DNAH12: variants seen among roughly 807,000 people sequenced by gnomAD.
DNAH12 encodes dynein axonemal heavy chain 12.
In DNAH12, 285 loss-of-function variants were observed where a neutral mutation model predicts 371.5. The observed-to-expected ratio is 0.77, with a 90% CI of 0.70 to 0.85. The LOEUF (loss-of-function observed/expected upper bound fraction) is 0.85, where lower values mean the gene tolerates loss of function less well. Among genes scored for constraint, DNAH12 ranks in the 40% least tolerant of loss-of-function variants. The pLI, the probability that DNAH12 is intolerant of heterozygous loss-of-function variation, is 0.00. For missense variants in DNAH12, 3,611 were observed against 3,689.4 expected, an observed-to-expected ratio of 0.98 and a Z score of 0.55; for synonymous variants, 1,200 against 1,213.0, an observed-to-expected ratio of 0.99 and a Z score of 0.22.
At chr3:57,555,882 C>A in the DNAH12 span, among the ~76,000 whole-genome samples, 1 of 152,250 alleles carries the variant, frequency 6.6e-6, no homozygotes, top group Non-Finnish European at 1.5e-5. Flanking sequence ...ATGAAATGGG[C>A]AACACCTTCC....
chr3:57,352,348 C>A (rs1021171642), intron 59 of DNAH12, 123 bp from the exon 60 acceptor site: 1 of 1,018,216 alleles, frequency 9.8e-7, no homozygotes, highest in Non-Finnish European at 1.4e-6. Flanking sequence ...TAAAGATACA[C>A]ACACGAGGGC....
chr3:57,523,621 A>C lies in DNAH12; in HGVS notation c.253-12T>G. The C allele has an allele frequency of 6.4e-7, 1 of 1,572,018 alleles. No individual in the cohort carries two copies. Among genetic ancestry groups the C allele is most frequent in the South Asian group, 1.2e-5 (1 of 81,374 alleles). Reference sequence around the variant, plus strand: ...ATTTCACTGGTCATCTGTCAAAAACAAACAGGATATAATTAAATCAAGGAG... The same window carrying C: ...ATTTCACTGGTCATCTGTCAAAAACCAACAGGATATAATTAAATCAAGGAG... On this transcript the variant is annotated splice_polypyrimidine_tract_variant and intron_variant, in intron 3 of 73. Coordinates refer to ENST00000495027, the MANE Select transcript of DNAH12 (RefSeq NM_001366028.2).
At chr3:57,530,616 A>G (rs1304577843) in intron 2 of DNAH12, 1 of 574,236 alleles carries the variant, frequency 1.7e-6, no homozygotes, top group Admixed American at 2.6e-5. Flanking sequence ...GCCCAGGGAC[A>G]ATGTATAGTG....
intron 34 of DNAH12, among the ~76,000 whole-genome samples, chr3:57,427,391 G>A (rs2064810994): frequency 6.6e-6 from 1 of 152,018 alleles, no homozygotes; most frequent in Admixed American, 6.6e-5. Flanking sequence ...GGAGTAGAAG[G>A]CCATGTGAAG....
chr3:57,402,322 C>CTTTTTTTTTGT, intron 43 of DNAH12: 1 of 1,118,220 alleles, frequency 8.9e-7, no homozygotes, highest in Non-Finnish European at 1.2e-6. Context: ...TTTTTTTTTC[C>CTTTTTTTTTGT]ACTTTGTATC....
At chr3:57,471,396 C>T (rs6445886) in intron 15 of DNAH12, 76 bp downstream of exon 15, 879,487 of 1,309,114 alleles carry the variant, frequency 0.67, 296,742 homozygotes, top group South Asian at 0.75. Flanking sequence ...TTTTTCTATA[C>T]TTTTAAATTT....
chr3:57,518,264 C>G (rs2068274410), intron 4 of DNAH12, among the ~76,000 whole-genome samples: 1 of 152,126 alleles, frequency 6.6e-6, no homozygotes, highest in Non-Finnish European at 1.5e-5. Flanking sequence ...GTGGCTCACA[C>G]CTGTAACCCC....
chr3:57,453,132 TAA>T, intron 24 of DNAH12, 113 bp downstream of exon 24: 1 of 1,459,118 alleles, frequency 6.9e-7, no homozygotes, highest in Non-Finnish European at 9.1e-7. Flanking sequence ...TGCCAACTTA[TAA>T]AAAAGATTGT....
chr3:57,527,494 G>A (rs2068690427), intron 2 of DNAH12, among the ~76,000 whole-genome samples: 1 of 152,220 alleles, frequency 6.6e-6, no homozygotes, highest in Admixed American at 6.5e-5. Flanking sequence ...AATCATGGTG[G>A]AAGGTGAAGG....
At chr3:57,533,367 T>C (rs980851066) in intron 2 of DNAH12, among the ~76,000 whole-genome samples, 14 of 151,990 alleles carry the variant, frequency 9.2e-5, no homozygotes, top group African/African-American at 3.4e-4. Flanking sequence ...AAAACAAATT[T>C]CCCTTTACTT....
chr3:57,309,357 A>C (rs1431676281), intron 68 of DNAH12, 103 bp from the exon 69 acceptor site: 10 of 909,508 alleles, frequency 1.1e-5, no homozygotes, highest in Non-Finnish European at 1.6e-5. Context: ...GTATATGTAC[A>C]TTAGCTCATA....
At chr3:57,302,549 A>ATTTTT (rs2061373656) in intron 69 of DNAH12, among the ~76,000 whole-genome samples, 1 of 88,304 alleles carries the variant, frequency 1.1e-5, no homozygotes, top group African/African-American at 4.1e-5. Flanking sequence ...ATATATATAT[A>ATTTTT]TATATATATA....
Position 57,472,545 on chromosome 3 carries a change from C to T in DNAH12, c.1776+1G>A. 6.5e-7 allele frequency: 1 copy of T among 1,546,560 alleles called. No homozygotes were observed. Among genetic ancestry groups the T allele is most frequent in the Non-Finnish European group, 8.7e-7 (1 of 1,145,262 alleles). On this transcript the variant is annotated splice_donor_variant, in intron 14 of 73. Coordinates refer to ENST00000495027, the MANE Select transcript of DNAH12 (RefSeq NM_001366028.2). LOFTEE classifies it high-confidence loss of function. ...AAATACATACTGAAAAATATATTTA[C>T]CTCATCATTTTCATCAAAGATGGGA...
chr3:57,483,816 G>A lies in DNAH12; in HGVS notation c.1515-305C>T, dbSNP rs2153383940. Among the ~76,000 whole-genome samples the A allele has an allele frequency of 1.3e-5, 2 of 151,734 alleles. 1 individual carries two copies. The highest frequency in any genetic ancestry group is 4.2e-4 in the South Asian group (2 of 4,804). On this transcript the variant is annotated intron_variant, in intron 12 of 73. Coordinates refer to ENST00000495027, the MANE Select transcript of DNAH12 (RefSeq NM_001366028.2). Reference sequence around the variant, plus strand: ...AAAATACAAAAATTAGCTGGGCATGGTGGCACATGCCTGTAGTCCCAGCTA... The same window carrying A: ...AAAATACAAAAATTAGCTGGGCATGATGGCACATGCCTGTAGTCCCAGCTA...
At chr3:57,351,038 A>C (rs2062659934) in intron 60 of DNAH12, among the ~76,000 whole-genome samples, 1 of 151,354 alleles carries the variant, frequency 6.6e-6, no homozygotes. Flanking sequence ...TGGGAGGTCG[A>C]GGCAGGCAGA....
chr3:57,435,778 C>A (rs1463402983), intron 30 of DNAH12, among the ~76,000 whole-genome samples: 2 of 152,170 alleles, frequency 1.3e-5, no homozygotes, highest in Non-Finnish European at 2.9e-5. Flanking sequence ...GCGATATCAA[C>A]AGACTACATC....
Position 57,405,166 on chromosome 3 carries a change from C to T in DNAH12, c.6577-19G>A, listed in dbSNP as rs552273044. On this transcript the variant is annotated intron_variant, in intron 41 of 73. Transcript: ENST00000495027. ...CAGTTACCTATAGAAAGGAAATCAA[C>T]AAATTTTAAAACTTAAAACATTTAA... 1.3e-4 allele frequency: 186 copies of T among 1,484,102 alleles called. No homozygotes were observed. The highest frequency in any genetic ancestry group is 4.4e-4 in the Middle Eastern group (2 of 4,562). 91.9% of individuals were successfully genotyped at this position (1,484,102 alleles called of 1,614,324 possible).
intron 16 of DNAH12, among the ~76,000 whole-genome samples, chr3:57,469,384 G>A (rs984633956): frequency 8.5e-5 from 13 of 152,174 alleles, no homozygotes; most frequent in African/African-American, 3.1e-4. Context: ...CTATTGATGG[G>A]ACTGTAAATT....
intron 8 of DNAH12, 60 bp downstream of exon 8, chr3:57,507,583 T>C (rs1350720705): frequency 6.6e-6 from 8 of 1,203,366 alleles, no homozygotes; most frequent in Admixed American, 6.5e-5. Context: ...TAGAATTCTA[T>C]TTAAAATATT....
Sources: allele counts gnomAD v4.1 joint callset (sites outside exome capture counted in the v4.1 genomes callset), GRCh38; gene constraint gnomAD v4.1.1; transcripts MANE v1.5; gene names NCBI Gene and HGNC (gene_info 2026-07-23, HGNC 2026-07-21).